Variants in AZIN2 observed in about 807,000 individuals in gnomAD.
AZIN2 encodes antizyme inhibitor 2, also known as ODC antizyme inhibitor-2.
AZIN2 carries 28 observed loss-of-function variants against 47.8 expected under a neutral mutation model. That is an observed-to-expected ratio of 0.59 (90% confidence interval 0.43 to 0.80). The LOEUF (loss-of-function observed/expected upper bound fraction) is 0.80, where lower values mean the gene tolerates loss of function less well. Among genes scored for constraint, AZIN2 ranks in the 30% least tolerant of loss-of-function variants. The probability of loss-of-function intolerance (pLI) is 0.00; values close to 1 mark genes in which losing one functional copy is unlikely to be tolerated. For missense variants in AZIN2, 535 were observed against 582.5 expected (o/e 0.92, Z 0.84); for synonymous variants, 221 against 239.4 (o/e 0.92, Z 0.71).
At chr1:33,082,468 CTTGCTAT>C in intron 4 of AZIN2, 114 bp downstream of exon 4, 1 of 718,794 alleles carries the variant, frequency 1.4e-6, no homozygotes, top group Non-Finnish European at 2.2e-6. Flanking sequence ...GTACGCAATC[CTTGCTAT>C]TTGCAAGAGA....
downstream of AZIN2, among the ~76,000 whole-genome samples, chr1:33,126,735 T>C (rs1175835306): frequency 6.6e-6 from 1 of 152,174 alleles, no homozygotes; most frequent in African/African-American, 2.4e-5. Flanking sequence ...GCTTTCTGTT[T>C]TTCCACTCAG....
At chr1:33,109,975 T>A (rs1316159682) in intron 10 of AZIN2, among the ~76,000 whole-genome samples, 1 of 152,214 alleles carries the variant, frequency 6.6e-6, no homozygotes, top group Non-Finnish European at 1.5e-5. Flanking sequence ...AGTTTTGATA[T>A]CTGTGTGGGT....
the AZIN2 span, chr1:33,165,951 C>T: frequency 1.0e-4 from 16 of 160,250 alleles, no homozygotes; most frequent in African/African-American, 2.4e-4. The surrounding 1 kb of genome is among the most constrained non-coding windows in gnomAD (Gnocchi z 4.0). Flanking sequence ...GGAACCTGGA[C>T]GCACAGCAGG....
intron 10 of AZIN2, among the ~76,000 whole-genome samples, chr1:33,108,659 A>G (rs1360320353): frequency 6.6e-6 from 1 of 152,166 alleles, no homozygotes; most frequent in Admixed American, 6.5e-5. Context: ...TCTTTCACTT[A>G]GTAATATGCA....
chr1:33,083,877 C>G, intron 4 of AZIN2, 77 bp from the exon 5 acceptor site: 1 of 1,568,194 alleles, frequency 6.4e-7, no homozygotes, highest in Non-Finnish European at 8.7e-7. Context: ...GGGTCAGGTA[C>G]TTGGAAGGAT....
intron 4 of AZIN2, 173 bp from the exon 5 acceptor site, chr1:33,083,781 G>A (rs1641554252): frequency 4.4e-6 from 3 of 685,820 alleles, no homozygotes; most frequent in Non-Finnish European, 7.7e-6. Flanking sequence ...TGAATGCCAG[G>A]CTGAGGAGTT....
chr1:33,147,845 G>A, the AZIN2 span: 9 of 1,156,536 alleles, frequency 7.8e-6, no homozygotes, highest in Admixed American at 2.1e-4. This position sits in a 1 kb window ranked among gnomAD's most constrained non-coding sequence, Gnocchi z 8.1. Flanking sequence ...GACCTGCTGT[G>A]TGACCTTGAA....
At chr1:33,087,898 C>T (rs971232257) in intron 5 of AZIN2, among the ~76,000 whole-genome samples, 4 of 152,312 alleles carry the variant, frequency 2.6e-5, no homozygotes, top group Non-Finnish European at 4.4e-5. Context: ...ACACATGTCT[C>T]GCTGTGAGAC....
the AZIN2 span, among the ~76,000 whole-genome samples, chr1:33,150,820 C>T: frequency 6.6e-6 from 1 of 152,078 alleles, no homozygotes; most frequent in Non-Finnish European, 1.5e-5. Flanking sequence ...ATAGGTGGGC[C>T]ACCCCTATGA....
chr1:33,165,217 A>G, the AZIN2 span: 2 of 368,554 alleles, frequency 5.4e-6, no homozygotes, highest in Admixed American at 4.6e-5. This position sits in a 1 kb window ranked among gnomAD's most constrained non-coding sequence, Gnocchi z 4.0. Context: ...GAAGGGAGAA[A>G]TGGCCCCGTC....
At chr1:33,155,222 C>A in the AZIN2 span, among the ~76,000 whole-genome samples, 2 of 151,750 alleles carry the variant, frequency 1.3e-5, no homozygotes, top group African/African-American at 4.8e-5. Context: ...CAGGCGTGTA[C>A]CACCATGCCT....
In AZIN2 at chr1:33,092,150, A is replaced by T. The variant is rs1036712762; in HGVS notation, c.380A>T (p.His127Leu). Residue 127 changes from histidine (H) to leucine (L), a missense_variant, in exon 6 of 12, where the codon CAT becomes CTT. This residue lies in a region of AZIN2 where 409 missense variants were observed against 429.0 expected (regional missense o/e 0.95). Transcript: ENST00000294517. ...GCACAGATCAAATATGCTGCCAAGC[A>T]TGGGATCCAGCTGCTGAGCTTTGAC... is the stretch of plus-strand genomic sequence containing the variant. ...QIAQIKYAAKHGIQLLSFDNE... is the reference protein window; with the variant it reads ...QIAQIKYAAKLGIQLLSFDNE... 1.9e-6 allele frequency: 3 copies of T among 1,614,236 alleles called. No homozygotes were observed. The highest frequency in any genetic ancestry group is 3.3e-4 in the Middle Eastern group (2 of 6,062).
chr1:33,127,593 C>T (rs907394271), downstream of AZIN2, among the ~76,000 whole-genome samples: 9 of 152,146 alleles, frequency 5.9e-5, no homozygotes, highest in Non-Finnish European at 1.2e-4. Flanking sequence ...CCCAGGGTAA[C>T]ACCGGAAGTG....
At chr1:33,093,164 G>A (rs1406674035) in intron 6 of AZIN2, 118 bp from the exon 7 acceptor site, 2 of 1,374,692 alleles carry the variant, frequency 1.5e-6, no homozygotes, top group Admixed American at 4.1e-5. Context: ...GGAGGGGTCA[G>A]GGAGCCTGTG....
chr1:33,082,162 T>TC lies in AZIN2; in HGVS notation c.-72-12dup, dbSNP rs1382373651. 32 of 1,137,680 alleles carry TC rather than the reference T, an allele frequency of 2.8e-5. No individual in the cohort carries two copies. The highest frequency in any genetic ancestry group is 4.1e-5 in the Non-Finnish European group (32 of 772,280). The allele number at this position is 1,137,680 out of a possible 1,614,324, so 70.5% of individuals were successfully genotyped here. On this transcript the variant is annotated splice_polypyrimidine_tract_variant and intron_variant, in intron 3 of 11. Coordinates refer to ENST00000294517, the MANE Select transcript of AZIN2 (RefSeq NM_052998.4). ...CGGCCCCCCAGCGGTTCCCTTCATC[T>TC]CCCCTCGCCCCGCAGTGTGTTGCAT...
intron 10 of AZIN2, among the ~76,000 whole-genome samples, chr1:33,115,066 C>T (rs1369797581): frequency 6.6e-6 from 1 of 152,192 alleles, no homozygotes; most frequent in Non-Finnish European, 1.5e-5. Context: ...TTGAAGAAGG[C>T]AGCTAGGTGC....
In AZIN2 at chr1:33,094,601, C is replaced by T. The variant is rs368330820; in HGVS notation, c.641C>T (p.Ala214Val). 6.2e-6 allele frequency: 10 copies of T among 1,614,052 alleles called. No individual in the cohort carries two copies. In the African/African-American group the frequency reaches 1.3e-4, roughly 22 times the overall value. ...PDPQAYAQSI[A>V]DARLVFEMGT... ...CCTCAGGCCTATGCTCAGTCCATCG[C>T]AGACGCCCGGCTCGTGTTTGAAATG... The change falls in exon 8 of 12, where the codon GCA becomes GTA. Residue 214 changes from alanine (A) to valine (V), a missense_variant. Ala to Val is a moderately conservative substitution (Grantham distance 64, BLOSUM62 0). Coordinates refer to ENST00000294517, the MANE Select transcript of AZIN2 (RefSeq NM_052998.4).
intron 8 of AZIN2, 139 bp from the exon 9 acceptor site, chr1:33,096,568 C>T (rs1570021378): frequency 9.6e-7 from 1 of 1,041,650 alleles, no homozygotes; most frequent in African/African-American, 1.6e-5. Context: ...CAGTTATCAG[C>T]TGGGGCCTTA....
downstream of AZIN2, among the ~76,000 whole-genome samples, chr1:33,127,252 C>G (rs1049644994): frequency 1.3e-5 from 2 of 152,242 alleles, no homozygotes; most frequent in Admixed American, 6.5e-5. Context: ...CTTCCAGCCA[C>G]CGGAACCCCC....
Sources: allele counts gnomAD v4.1 joint callset (sites outside exome capture counted in the v4.1 genomes callset), GRCh38; gene constraint gnomAD v4.1.1; regional missense constraint gnomAD v4.1.1; non-coding constraint Gnocchi (gnomAD v3.1); transcripts MANE v1.5; gene names NCBI Gene and HGNC (gene_info 2026-07-23, HGNC 2026-07-21).